The following CDC42SE2 variants were observed in gnomAD, a reference collection of about 807,000 sequenced individuals.
CDC42SE2 encodes CDC42 small effector protein 2.
Under a neutral mutation model 11.5 loss-of-function variants are expected in CDC42SE2, and 3 were observed. That is an observed-to-expected ratio of 0.26 (90% CI 0.12 to 0.67). The LOEUF is 0.67. Ranked by LOEUF, CDC42SE2 falls within the 30% of genes least tolerant of loss-of-function variation. CDC42SE2 has a pLI of 0.80. For synonymous variants in CDC42SE2, 33 were observed against 34.8 expected, an observed-to-expected ratio of 0.95 and a Z score of 0.18; for missense variants, 82 against 106.8, an observed-to-expected ratio of 0.77 and a Z score of 1.02.
intron 1 of CDC42SE2, among the ~76,000 whole-genome samples, chr5:131,248,788 CGTT>C (rs1225278953): frequency 6.6e-6 from 1 of 152,018 alleles, no homozygotes; most frequent in Non-Finnish European, 1.5e-5. Flanking sequence ...TATTATAAAA[CGTT>C]GTTAAGAAAC....
chr5:131,211,868 C>T, the CDC42SE2 span, among the ~76,000 whole-genome samples: 1 of 151,482 alleles, frequency 6.6e-6, no homozygotes, highest in Admixed American at 6.6e-5. Context: ...ACTGTAATCT[C>T]CGCTACTGGG....
chr5:131,243,368 A>G (rs1197121309), upstream of CDC42SE2, among the ~76,000 whole-genome samples: 1 of 152,172 alleles, frequency 6.6e-6, no homozygotes, highest in Non-Finnish European at 1.5e-5. Context: ...TCACGAGGTC[A>G]GGAGCTCGAG....
chr5:131,250,867 C>T (rs986412052), intron 1 of CDC42SE2, among the ~76,000 whole-genome samples: 1 of 151,926 alleles, frequency 6.6e-6, no homozygotes, highest in Non-Finnish European at 1.5e-5. Context: ...GAGCAAGATC[C>T]CAGGGTCTCT....
chr5:131,247,443 C>T (rs1244932054), intron 1 of CDC42SE2, among the ~76,000 whole-genome samples: 1 of 151,860 alleles, frequency 6.6e-6, no homozygotes, highest in Non-Finnish European at 1.5e-5. Flanking sequence ...ATGGGGAAAC[C>T]CTGTCTCTAC....
intron 1 of CDC42SE2, 130 bp downstream of exon 1, chr5:131,264,296 A>G (rs1226023625): frequency 6.6e-6 from 1 of 152,196 alleles, no homozygotes; most frequent in Non-Finnish European, 1.5e-5. Context: ...CGGCCTTGCC[A>G]GCCGCGCGCT....
At chr5:131,348,747 C>G (rs1758921037) in intron 2 of CDC42SE2, among the ~76,000 whole-genome samples, 1 of 146,936 alleles carries the variant, frequency 6.8e-6, no homozygotes, top group South Asian at 2.1e-4. Context: ...AACTATACTA[C>G]AAGGCTACAG....
chr5:131,235,029 C>T, the CDC42SE2 span, among the ~76,000 whole-genome samples: 1 of 151,320 alleles, frequency 6.6e-6, no homozygotes, highest in South Asian at 2.1e-4. Flanking sequence ...GCTGGGATTA[C>T]AGGCACCCGC....
At chr5:131,237,341 T>G in the CDC42SE2 span, among the ~76,000 whole-genome samples, 2 of 152,234 alleles carry the variant, frequency 1.3e-5, no homozygotes, top group African/African-American at 4.8e-5. Flanking sequence ...TTTTCCCCCT[T>G]CGGCACCTTG....
At chr5:131,284,664 G>A (rs75229529) in intron 1 of CDC42SE2, among the ~76,000 whole-genome samples, 4,603 of 151,856 alleles carry the variant, frequency 0.03, 221 homozygotes, top group African/African-American at 0.1. Context: ...GGTAGAGATA[G>A]GGTCTTGCTC....
Position 131,391,145 on chromosome 5 carries a change from A to ATGTCTGGCC in CDC42SE2, c.*54_*55insTGTCTGGCC. 5 of 1,232,882 alleles carry ATGTCTGGCC rather than the reference A, an allele frequency of 4.1e-6. No individual in the cohort carries two copies. Among genetic ancestry groups the ATGTCTGGCC allele is most frequent in the Non-Finnish European group, 5.9e-6 (5 of 849,922 alleles). 76.4% of individuals were successfully genotyped at this position (1,232,882 alleles called of 1,614,324 possible). On this transcript the variant is annotated 3_prime_UTR_variant, in exon 5 of 5. Transcript: ENST00000505065. Reference sequence around the variant, plus strand: ...GAGCTGGGGTCTGGACCTGACGGCCAGACATGGCCAGGCCAATAATAGTAA... The same window carrying ATGTCTGGCC: ...GAGCTGGGGTCTGGACCTGACGGCCATGTCTGGCCGACATGGCCAGGCCAATAATAGTAA...
intron 3 of CDC42SE2, among the ~76,000 whole-genome samples, chr5:131,364,574 T>C (rs1020593379): frequency 1.3e-5 from 2 of 152,336 alleles, no homozygotes; most frequent in East Asian, 1.9e-4. Context: ...TGGAAGAACA[T>C]ACCTATTTTT....
At chr5:131,242,123 C>T (rs1451124709), upstream of CDC42SE2, among the ~76,000 whole-genome samples, 2 of 152,154 alleles carry the variant, frequency 1.3e-5, no homozygotes, top group Non-Finnish European at 2.9e-5. Context: ...GCATACATCA[C>T]ACAACTATTA....
chr5:131,266,677 C>T (rs1374853724), intron 1 of CDC42SE2, among the ~76,000 whole-genome samples: 2 of 151,888 alleles, frequency 1.3e-5, no homozygotes, highest in South Asian at 2.1e-4. Flanking sequence ...AGGCTGGTCT[C>T]GAACTCCTGG....
At chr5:131,387,327 TCATCTGAGCTCAGGATTTC>T (rs1346191392) in intron 4 of CDC42SE2, among the ~76,000 whole-genome samples, 1 of 152,132 alleles carries the variant, frequency 6.6e-6, no homozygotes, top group Admixed American at 6.6e-5. Context: ...GGCAGGTGGA[TCATCTGAGCTCAGGATTTC>T]AAGACCAGCC....
At chr5:131,390,780 A>G (rs1750627316) in intron 4 of CDC42SE2, among the ~76,000 whole-genome samples, 1 of 152,180 alleles carries the variant, frequency 6.6e-6, no homozygotes, top group Non-Finnish European at 1.5e-5. Flanking sequence ...AAATAGAGAA[A>G]ATAGGGGTTT....
intron 2 of CDC42SE2, among the ~76,000 whole-genome samples, chr5:131,336,317 A>G (rs888864472): frequency 9.8e-5 from 15 of 152,344 alleles, no homozygotes; most frequent in African/African-American, 1.9e-4. Context: ...CTTCTGGCTT[A>G]TAGAGTTTCT....
At position 131,359,402 on chromosome 5, in the gene CDC42SE2, T is replaced by A; in HGVS notation, c.-92T>A. The A allele has an allele frequency of 2.2e-6, 2 of 891,214 alleles. No individual in the cohort carries two copies. Among genetic ancestry groups the A allele is most frequent in the East Asian group, 2.4e-5 (1 of 41,588 alleles). 55.2% of individuals were successfully genotyped at this position (891,214 alleles called of 1,614,324 possible). ...TAATAAAATTTCATCTTGGCATCAC[T>A]GGACATCATCGTATTGAGGAGCGTA... On this transcript the variant is annotated 5_prime_UTR_variant, in exon 3 of 5. Transcript: ENST00000505065.
chr5:131,334,225 G>A (rs1342711886), intron 2 of CDC42SE2, among the ~76,000 whole-genome samples: 3 of 152,190 alleles, frequency 2.0e-5, no homozygotes, highest in Non-Finnish European at 4.4e-5. Context: ...AGATAATCAT[G>A]TGGTTTTTGT....
chr5:131,278,660 GT>G (rs1757156137), intron 1 of CDC42SE2, among the ~76,000 whole-genome samples: 1 of 136,380 alleles, frequency 7.3e-6, no homozygotes, highest in African/African-American at 2.7e-5. Context: ...TGAAATTGTT[GT>G]TTTTATAGAC....
Sources: allele counts gnomAD v4.1 joint callset (sites outside exome capture counted in the v4.1 genomes callset), GRCh38; gene constraint gnomAD v4.1.1; transcripts MANE v1.5; gene names NCBI Gene and HGNC (gene_info 2026-07-23, HGNC 2026-07-21).